The following CADM2 variants were observed in gnomAD, a reference collection of about 807,000 sequenced individuals.
CADM2 encodes the protein cell adhesion molecule 2, also known as immunoglobulin superfamily member 4D.
CADM2 carries 12 observed loss-of-function variants against 49.8 expected under a neutral mutation model. That is an observed-to-expected ratio of 0.24 (90% confidence interval 0.15 to 0.39). The LOEUF (loss-of-function observed/expected upper bound fraction) is 0.39, where lower values mean the gene tolerates loss of function less well. Among genes scored for constraint, CADM2 ranks in the 10% least tolerant of loss-of-function variants. The pLI, the probability that CADM2 is intolerant of heterozygous loss-of-function variation, is 1.00. For missense variants in CADM2, 378 were observed against 492.3 expected (o/e 0.77, Z 2.20); for synonymous variants, 214 against 175.4 (o/e 1.22, Z -1.74).
At chr3:85,907,912 A>G (rs1717021350) in intron 5 of CADM2, among the ~76,000 whole-genome samples, 2 of 145,918 alleles carry the variant, frequency 1.4e-5, no homozygotes, top group African/African-American at 2.5e-5. Context: ...CTCTGTCTCA[A>G]AAAAAAAAAA....
At chr3:85,437,539 C>A (rs990142373) in intron 1 of CADM2, among the ~76,000 whole-genome samples, 2 of 152,042 alleles carry the variant, frequency 1.3e-5, no homozygotes, top group Non-Finnish European at 2.9e-5. Context: ...TGGATTTTGA[C>A]CACTCTAAGA....
chr3:85,087,757 A>G (rs538537201), intron 1 of CADM2, among the ~76,000 whole-genome samples: 11 of 152,282 alleles, frequency 7.2e-5, no homozygotes, highest in African/African-American at 1.9e-4. Context: ...ACTATTCATC[A>G]TTTTTGAAGT....
chr3:85,639,548 T>C (rs1405534928), intron 1 of CADM2, among the ~76,000 whole-genome samples: 1 of 152,142 alleles, frequency 6.6e-6, no homozygotes, highest in Non-Finnish European at 1.5e-5. Flanking sequence ...GTTTTTTTCA[T>C]GGTACCCGAA....
rs141772104 is a variant in CADM2, at chr3:85,742,824, C to T, written c.88+16276C>T. 6.6e-3 allele frequency among the ~76,000 whole-genome samples: 1,004 copies of T among 152,266 alleles called. 7 individuals carry two copies. Among genetic ancestry groups the T allele is most frequent in the Non-Finnish European group, 0.011 (770 of 68,018 alleles). On this transcript the variant is annotated intron_variant, in intron 2 of 9. Transcript: ENST00000383699. ...ACACAAATAAAACTTTCCAGTGGAG[C>T]TTGCTGGAGCACTTCTCGAATTCCT...
chr3:85,713,158 C>T (rs1421988195), intron 1 of CADM2, among the ~76,000 whole-genome samples: 2 of 152,100 alleles, frequency 1.3e-5, no homozygotes, highest in Non-Finnish European at 2.9e-5. Flanking sequence ...AGTGAAGTGG[C>T]GCGACCTCGG....
chr3:85,496,831 G>T (rs1254589739), intron 1 of CADM2, among the ~76,000 whole-genome samples: 2 of 152,006 alleles, frequency 1.3e-5, no homozygotes, highest in Non-Finnish European at 2.9e-5. Context: ...TTGACCACTT[G>T]TATGTCTTTA....
At chr3:85,481,344 C>T (rs1163393105) in intron 1 of CADM2, among the ~76,000 whole-genome samples, 1 of 151,064 alleles carries the variant, frequency 6.6e-6, no homozygotes, top group African/African-American at 2.4e-5. Context: ...TCACCAATGA[C>T]CTAGGAAAGT....
chr3:86,045,268 G>C (rs973391930), intron 8 of CADM2, among the ~76,000 whole-genome samples: 1 of 152,044 alleles, frequency 6.6e-6, no homozygotes, highest in African/African-American at 2.4e-5. Context: ...TTATTACCAT[G>C]GGAACTGTCA....
chr3:85,635,733 T>C (rs1240698472), intron 1 of CADM2, among the ~76,000 whole-genome samples: 1 of 152,136 alleles, frequency 6.6e-6, no homozygotes, highest in Non-Finnish European at 1.5e-5. Context: ...TTTATGTATT[T>C]GTAATGTATG....
intron 6 of CADM2, among the ~76,000 whole-genome samples, chr3:85,929,737 G>A (rs1013521514): frequency 2.0e-5 from 3 of 151,994 alleles, no homozygotes; most frequent in Admixed American, 6.6e-5. Context: ...CTCAGTTTTT[G>A]AGATGACTAC....
intron 2 of CADM2, among the ~76,000 whole-genome samples, chr3:85,801,220 A>G (rs1469402993): frequency 6.6e-6 from 1 of 150,868 alleles, no homozygotes; most frequent in Non-Finnish European, 1.5e-5. Flanking sequence ...CTTATTAAGT[A>G]AATTTATTAC....
At chr3:85,720,172 A>G (rs2067447288) in intron 1 of CADM2, among the ~76,000 whole-genome samples, 1 of 152,110 alleles carries the variant, frequency 6.6e-6, no homozygotes, top group Non-Finnish European at 1.5e-5. Flanking sequence ...GTCATTTCTC[A>G]CATTCATTAT....
At chr3:85,487,753 T>C (rs1169722687) in intron 1 of CADM2, among the ~76,000 whole-genome samples, 1 of 151,334 alleles carries the variant, frequency 6.6e-6, no homozygotes, top group Non-Finnish European at 1.5e-5. Flanking sequence ...TGTGCGTGTG[T>C]GTGCGTGTGT....
chr3:85,769,995 C>T (rs867041663), intron 2 of CADM2, among the ~76,000 whole-genome samples: 8 of 150,004 alleles, frequency 5.3e-5, no homozygotes, highest in Non-Finnish European at 1.0e-4. Flanking sequence ...ATTCAAAAAA[C>T]AAACAAAAAA....
intron 1 of CADM2, among the ~76,000 whole-genome samples, chr3:85,432,262 T>C (rs1865250): frequency 0.49 from 74,126 of 151,210 alleles, 21,830 homozygotes; most frequent in East Asian, 0.83. Context: ...GACGCAGCCA[T>C]AGAAGTGGGA....
chr3:85,141,017 G>C (rs1232269443), intron 1 of CADM2, among the ~76,000 whole-genome samples: 2 of 152,050 alleles, frequency 1.3e-5, no homozygotes, highest in Non-Finnish European at 2.9e-5. Context: ...TGACAATGAA[G>C]GTAAATTTAG....
intron 1 of CADM2, among the ~76,000 whole-genome samples, chr3:85,149,221 T>C (rs1278211382): frequency 6.6e-6 from 1 of 152,082 alleles, no homozygotes; most frequent in Non-Finnish European, 1.5e-5. Flanking sequence ...TTAATTGCCA[T>C]TGTGCCAGTA....
intron 1 of CADM2, chr3:84,960,301 A>AT (rs2030353253): frequency 6.6e-6 from 1 of 152,026 alleles, no homozygotes; most frequent in Admixed American, 6.6e-5. Context: ...TCTGTCTGGG[A>AT]TTTAAAAAAA....
chr3:85,578,745 G>C (rs2062713847), intron 1 of CADM2, among the ~76,000 whole-genome samples: 1 of 152,170 alleles, frequency 6.6e-6, no homozygotes, highest in African/African-American at 2.4e-5. Context: ...AATTAAATCA[G>C]ATTAGATATT....
Sources: allele counts gnomAD v4.1 joint callset (sites outside exome capture counted in the v4.1 genomes callset), GRCh38; gene constraint gnomAD v4.1.1; transcripts MANE v1.5; gene names NCBI Gene and HGNC (gene_info 2026-07-23, HGNC 2026-07-21).